Variants in OSBPL10 observed in about 807,000 individuals in gnomAD.
OSBPL10 encodes the protein oxysterol binding protein like 10, also known as oxysterol-binding protein-related protein 10.
Under a neutral mutation model 81.7 loss-of-function variants are expected in OSBPL10, and 49 were observed. That is an observed-to-expected ratio of 0.60 (90% CI 0.48 to 0.76). The LOEUF (loss-of-function observed/expected upper bound fraction) is 0.76. Ranked by LOEUF, OSBPL10 falls within the 30% of genes least tolerant of loss-of-function variation. The pLI, the probability that OSBPL10 is intolerant of heterozygous loss-of-function variation, is 0.00. For synonymous variants in OSBPL10, 419 were observed against 383.6 expected, an observed-to-expected ratio of 1.09 and a Z score of -1.08; for missense variants, 923 against 987.8, an observed-to-expected ratio of 0.93 and a Z score of 0.88.
At chr3:31,777,546 G>C (rs963832965) in intron 4 of OSBPL10, among the ~76,000 whole-genome samples, 3 of 152,206 alleles carry the variant, frequency 2.0e-5, no homozygotes, top group Non-Finnish European at 4.4e-5. Flanking sequence ...ATGGAACAGT[G>C]TGTGGAGACT....
At chr3:31,855,176 C>T (rs1700878493) in intron 3 of OSBPL10, among the ~76,000 whole-genome samples, 1 of 148,172 alleles carries the variant, frequency 6.7e-6, no homozygotes, top group South Asian at 2.1e-4. Flanking sequence ...AAGCATGTGC[C>T]ACCCTGGCTA....
At chr3:31,990,145 C>T in intron 2 of OSBPL10, 1 of 1,611,482 alleles carries the variant, frequency 6.2e-7, no homozygotes, top group Non-Finnish European at 8.5e-7. Context: ...GCGTGATTCA[C>T]ACCTCACACA....
chr3:31,995,468 A>G (rs1426523542), intron 2 of OSBPL10, among the ~76,000 whole-genome samples: 1 of 152,134 alleles, frequency 6.6e-6, no homozygotes, highest in African/African-American at 2.4e-5. Flanking sequence ...TTTTTGCCCA[A>G]CCCTGCAGGC....
At chr3:31,901,396 G>A (rs112447403) in intron 1 of OSBPL10, among the ~76,000 whole-genome samples, 3,489 of 152,270 alleles carry the variant, frequency 0.023, 110 homozygotes, top group African/African-American at 0.076. Flanking sequence ...GGCCACAGTG[G>A]CCATCTTCCC....
At chr3:31,692,443 G>A (rs946424165) in intron 7 of OSBPL10, among the ~76,000 whole-genome samples, 4 of 151,928 alleles carry the variant, frequency 2.6e-5, no homozygotes, top group African/African-American at 7.3e-5. Flanking sequence ...GGGAAGATAC[G>A]AGCAACAGGC....
intron 7 of OSBPL10, among the ~76,000 whole-genome samples, chr3:31,696,750 C>T (rs556839581): frequency 2.2e-4 from 34 of 152,242 alleles, no homozygotes; most frequent in Non-Finnish European, 4.4e-4. Context: ...TACTCACTCT[C>T]TAGAGAAACT....
At chr3:32,039,341 A>T (rs1488415450) in intron 2 of OSBPL10, among the ~76,000 whole-genome samples, 1 of 125,716 alleles carries the variant, frequency 8.0e-6, no homozygotes, top group Non-Finnish European at 1.7e-5. Flanking sequence ...TAAATAAATA[A>T]ATTAATTAAT....
At chr3:31,986,788 A>G (rs1268411704) in intron 2 of OSBPL10, among the ~76,000 whole-genome samples, 3 of 152,052 alleles carry the variant, frequency 2.0e-5, no homozygotes, top group African/African-American at 7.2e-5. Context: ...AGATGGGAGG[A>G]TTGCCCAGGA....
chr3:31,773,281 A>G (rs1466199884), intron 4 of OSBPL10, among the ~76,000 whole-genome samples: 1 of 152,168 alleles, frequency 6.6e-6, no homozygotes, highest in African/African-American at 2.4e-5. Context: ...TCACACGAGC[A>G]TATCTGACAT....
At chr3:31,784,786 T>C (rs1345942364) in intron 4 of OSBPL10, among the ~76,000 whole-genome samples, 6 of 150,646 alleles carry the variant, frequency 4.0e-5, no homozygotes, top group African/African-American at 1.2e-4. Flanking sequence ...TTCCACCACG[T>C]TGGCCAGGCT....
intron 2 of OSBPL10, among the ~76,000 whole-genome samples, chr3:31,996,377 T>C (rs1415631443): frequency 6.6e-6 from 1 of 152,206 alleles, no homozygotes; most frequent in African/African-American, 2.4e-5. Context: ...AAGGGAACAA[T>C]GATATGATTG....
intron 3 of OSBPL10, among the ~76,000 whole-genome samples, chr3:31,846,434 G>T (rs1700633779): frequency 1.3e-5 from 2 of 152,064 alleles, no homozygotes; most frequent in South Asian, 4.2e-4. Flanking sequence ...GATCAGTCTG[G>T]CCAACATGGT....
chr3:31,883,344 A>T (rs1695642487), intron 1 of OSBPL10, among the ~76,000 whole-genome samples: 1 of 151,230 alleles, frequency 6.6e-6, no homozygotes, highest in Admixed American at 6.6e-5. Context: ...GGTTCAAGTG[A>T]TTTTCCTGCC....
intron 3 of OSBPL10, among the ~76,000 whole-genome samples, chr3:31,839,475 T>G (rs1314763981): frequency 2.1e-5 from 3 of 142,862 alleles, no homozygotes; most frequent in East Asian, 4.8e-4. Context: ...CACCACCCCC[T>G]AAAAAGACAA....
At chr3:31,832,612 C>T (rs1164367476) in intron 3 of OSBPL10, among the ~76,000 whole-genome samples, 1 of 152,192 alleles carries the variant, frequency 6.6e-6, no homozygotes, top group Admixed American at 6.5e-5. Flanking sequence ...GTAAGATGCA[C>T]ATATACAGAG....
chr3:31,859,343 G>C (rs141828666), intron 3 of OSBPL10, among the ~76,000 whole-genome samples: 2 of 152,214 alleles, frequency 1.3e-5, no homozygotes, highest in Admixed American at 1.3e-4. Flanking sequence ...GAGGGTGACC[G>C]CCCAGGGAGG....
chr3:31,945,151 A>C (rs1697663899), intron 1 of OSBPL10, among the ~76,000 whole-genome samples: 2 of 34,698 alleles, frequency 5.8e-5, no homozygotes, highest in African/African-American at 8.8e-4. Context: ...CTCCGTCTCA[A>C]AAAAAAAAAA....
intron 1 of OSBPL10, among the ~76,000 whole-genome samples, chr3:31,946,227 C>T (rs1315080363): frequency 6.6e-6 from 1 of 151,910 alleles, no homozygotes; most frequent in Admixed American, 6.6e-5. Flanking sequence ...TGATCCACCC[C>T]CCTCAGCCTC....
chr3:31,875,178 C>T (rs72851818), intron 3 of OSBPL10, among the ~76,000 whole-genome samples: 2,664 of 150,656 alleles, frequency 0.018, 76 homozygotes, highest in African/African-American at 0.061. Flanking sequence ...TATACATACA[C>T]ATACCAAGAT....
Sources: gnomAD v4.1 joint callset for allele counts (sites outside exome capture counted in the v4.1 genomes callset) on GRCh38, gnomAD v4.1.1 for gene constraint, MANE v1.5 for transcripts, NCBI Gene and HGNC (gene_info 2026-07-23, HGNC 2026-07-21) for gene names.